The following AAAS variants were observed in gnomAD, a reference collection of about 807,000 sequenced individuals.
AAAS encodes aladin WD repeat nucleoporin.
A neutral mutation model predicts 75.6 loss-of-function variants in AAAS; 60 were observed. That is an observed-to-expected ratio of 0.79 (90% CI 0.64 to 0.98). AAAS has a LOEUF of 0.98. Ranked by LOEUF, AAAS falls within the 50% of genes least tolerant of loss-of-function variation. The pLI is 0.00. For missense variants in AAAS, 658 were observed against 686.9 expected (o/e 0.96, Z 0.47); for synonymous variants, 271 against 265.0 (o/e 1.02, Z -0.22).
intron 7 of AAAS, 99 bp from the exon 8 acceptor site, chr12:53,309,820 G>A (rs1023268336): frequency 1.6e-4 from 243 of 1,524,118 alleles, no homozygotes; most frequent in Non-Finnish European, 2.1e-4. Context: ...TATCCTGATG[G>A]CCCACTCTGG....
chr12:53,312,214 T>A (rs1944400116), intron 7 of AAAS, among the ~76,000 whole-genome samples: 1 of 147,524 alleles, frequency 6.8e-6, no homozygotes, highest in South Asian at 2.1e-4. Flanking sequence ...TGGAACTCCA[T>A]CTCAAAAAAA....
chr12:53,321,607 A>C lies in AAAS; in HGVS notation c.-142T>G, dbSNP rs1318059625. 1 of 1,416,110 alleles carries C rather than the reference A, an allele frequency of 7.1e-7. No homozygotes were observed. Among genetic ancestry groups the C allele is most frequent in the Non-Finnish European group, 9.8e-7 (1 of 1,018,358 alleles). 87.7% of individuals were successfully genotyped at this position (1,416,110 alleles called of 1,614,324 possible). A position where few individuals can be genotyped will look rare whatever the true frequency, so the allele number is the denominator to read the frequency against. On this transcript the variant is annotated 5_prime_UTR_variant, in exon 1 of 16. Transcript: ENST00000209873. ...CAAACGGCGAGGCGGAACTCAACGG[A>C]AGTGAAGAAAAGACTAACGGGAAAG...
intron 6 of AAAS, 36 bp downstream of exon 6, chr12:53,314,714 TG>T: frequency 6.3e-7 from 1 of 1,594,166 alleles, no homozygotes. Context: ...AAGGTGATAT[TG>T]ACAAGTCAGA....
chr12:53,315,588 G>T, intron 3 of AAAS, 139 bp downstream of exon 3: 1 of 1,256,840 alleles, frequency 8.0e-7, no homozygotes, highest in Middle Eastern at 2.3e-4. Flanking sequence ...ACCCACTCTG[G>T]GTTATTTGGG....
Position 53,312,850 on chromosome 12 carries a change from A to G in AAAS, c.689+1448T>C, listed in dbSNP as rs189632832. ...AAAACATATATGTGTGTGTGTGTGT[A>G]TATATATATATATTTTTTTTTTTTG... On this transcript the variant is annotated intron_variant, in intron 7 of 15. Coordinates refer to ENST00000209873, the MANE Select transcript of AAAS (RefSeq NM_015665.6). Among the ~76,000 whole-genome samples the G allele has an allele frequency of 4.1e-3, 345 of 84,264 alleles. 1 individual carries two copies. The highest frequency in any genetic ancestry group is 0.011 in the African/African-American group (212 of 19,424). The allele number at this position is 84,264 out of a possible 152,430, so 55.3% of individuals were successfully genotyped here.
intron 7 of AAAS, among the ~76,000 whole-genome samples, chr12:53,311,895 C>T (rs1034979427): frequency 2.0e-5 from 3 of 151,786 alleles, no homozygotes; most frequent in Admixed American, 2.0e-4. Flanking sequence ...CCAGCCTGGG[C>T]GACAGAGTGA....
Position 53,321,421 on chromosome 12 carries a change from T to C in AAAS, c.45A>G (p.Gln15=), listed in dbSNP as rs528541480. The change falls in exon 1 of 16, where the codon CAA becomes CAG. Residue 15 remains glutamine (Q), a synonymous_variant. Transcript: ENST00000209873. ...GLFPPPPPRG[Q]VTLYEHNNEL... ...CGTTATTGTGCTCATATAGGGTGAC[T>C]TGACCCCGAGGCGGTGGAGGAGGGA... 1.2e-6 allele frequency: 2 copies of C among 1,614,130 alleles called. No homozygotes were observed. The highest frequency in any genetic ancestry group is 1.3e-5 in the African/African-American group (1 of 74,956).
At chr12:53,316,643 C>T (rs1260038253) in intron 2 of AAAS, among the ~76,000 whole-genome samples, 8 of 151,168 alleles carry the variant, frequency 5.3e-5, no homozygotes, top group African/African-American at 1.7e-4. Context: ...TGCCTATAAT[C>T]CCAGCTACTC....
Position 53,307,926 on chromosome 12 carries a change from G to A in AAAS, c.1335C>T (p.Gly445=). 1.9e-6 allele frequency: 3 copies of A among 1,614,194 alleles called. No individual in the cohort carries two copies. The highest frequency in any genetic ancestry group is 1.7e-6 in the Non-Finnish European group (2 of 1,180,022). The part of the protein sequence containing the change: ...NSPVFELLPC[G]IIQGEPGAQP... ...GGGCTCCTGGCTCCCCCTGGATAAT[G>A]CCACTAGAAGAAAAGGTGAGCAGGC... The change falls in exon 15 of 16, where the codon GGC becomes GGT. Residue 445 remains glycine, a synonymous_variant. Transcript: ENST00000209873.
intron 7 of AAAS, among the ~76,000 whole-genome samples, chr12:53,311,936 A>C (rs773692492): frequency 2.6e-5 from 4 of 151,828 alleles, no homozygotes; most frequent in Middle Eastern, 6.9e-3. Flanking sequence ...AAAATCTGTG[A>C]TCACGTGTTT....
intron 7 of AAAS, among the ~76,000 whole-genome samples, chr12:53,313,638 T>C (rs1251671970): frequency 4.6e-5 from 7 of 150,674 alleles, no homozygotes; most frequent in African/African-American, 1.7e-4. Context: ...AGACAGAGTC[T>C]CGCTCTGTTG....
At chr12:53,318,249 T>TGTGTGCGC (rs1555191462) in intron 2 of AAAS, among the ~76,000 whole-genome samples, 2 of 140,758 alleles carry the variant, frequency 1.4e-5, no homozygotes, top group African/African-American at 5.8e-5. Flanking sequence ...TGTGTGCGTG[T>TGTGTGCGC]GTGTGTGTGT....
chr12:53,308,081 T>A lies in AAAS; in HGVS notation c.1302A>T (p.Arg434=). 6.2e-7 allele frequency: 1 copy of A among 1,614,158 alleles called. No individual in the cohort carries two copies. The highest frequency in any genetic ancestry group is 1.1e-5 in the South Asian group (1 of 91,082). The change falls in exon 14 of 16, where the codon CGA becomes CGT. Residue 434 remains arginine (R), a synonymous_variant. Coordinates refer to ENST00000209873, the MANE Select transcript of AAAS (RefSeq NM_015665.6). ...GKPVILLFRT[R]NSPVFELLPC... is the part of the protein sequence containing the mutation. ...GAAGGAGCTCAAACACAGGGCTGTT[T>A]CGAGTGCGAAAAAGGAGGATGACTG...
intron 2 of AAAS, 22 bp downstream of exon 2, chr12:53,320,543 G>A (rs755562400): frequency 1.5e-5 from 24 of 1,613,166 alleles, no homozygotes; most frequent in South Asian, 1.4e-4. Context: ...TGTGACCCAG[G>A]AAACCCTTTG....
In AAAS at chr12:53,314,801, C is replaced by T. The variant is rs1944438791; in HGVS notation, c.495G>A (p.Lys165=). Residue 165 remains lysine, a synonymous_variant, in exon 6 of 16, where the codon AAG becomes AAA. Transcript: ENST00000209873. The part of the protein sequence containing the change: ...RVFAWHPHTN[K]FAVALLDDSV... ...AGTCATCTAGCAGGGCCACTGCAAA[C>T]TTGTTGGTGTGGGGGTGCCATGCAA... 6.2e-7 allele frequency: 1 copy of T among 1,613,952 alleles called. No homozygotes were observed. Among genetic ancestry groups the T allele is most frequent in the African/African-American group, 1.3e-5 (1 of 75,014 alleles).
intron 6 of AAAS, 130 bp downstream of exon 6, chr12:53,314,621 C>T (rs1450551104): frequency 7.6e-7 from 1 of 1,314,312 alleles, no homozygotes; most frequent in Non-Finnish European, 1.1e-6. Flanking sequence ...AGTTATGGAG[C>T]TTCCCTGACC....
Position 53,320,647 on chromosome 12 carries a change from T to G in AAAS, c.169A>C (p.Thr57Pro). ...GTGCCATGGTCCAGCCTTCCAGGGGTCTTTAGGGGATCCTTTGTCAGTTGT... is the reference window on the plus strand; with the variant it reads ...GTGCCATGGTCCAGCCTTCCAGGGGGCTTTAGGGGATCCTTTGTCAGTTGT... Reference protein sequence around the residue: ...VLQLTKDPLKTPGRLDHGTRT... With the variant: ...VLQLTKDPLKPPGRLDHGTRT... Residue 57 changes from threonine (T) to proline (P), a missense_variant, in exon 2 of 16, where the codon ACC becomes CCC. Coordinates refer to ENST00000209873, the MANE Select transcript of AAAS (RefSeq NM_015665.6). 2 of 1,614,058 alleles carry G rather than the reference T, an allele frequency of 1.2e-6. No homozygotes were observed. Among genetic ancestry groups the G allele is most frequent in the Non-Finnish European group, 1.7e-6 (2 of 1,179,994 alleles).
intron 2 of AAAS, among the ~76,000 whole-genome samples, chr12:53,316,764 C>CAAAAAAAAAAAAA (rs34520642): frequency 2.3e-4 from 18 of 77,184 alleles, no homozygotes; most frequent in Admixed American, 3.3e-4. Flanking sequence ...CCATCTCAGA[C>CAAAAAAAAAAAAA]AAAAAAAAAA....
At position 53,320,591 on chromosome 12, in the gene AAAS, T is replaced by C; in HGVS notation, c.225A>G (p.Gln75=). 1 of 1,614,000 alleles carries C rather than the reference T, an allele frequency of 6.2e-7. No homozygotes were observed. Among genetic ancestry groups the C allele is most frequent in the Non-Finnish European group, 8.5e-7 (1 of 1,179,944 alleles). Reference sequence around the variant, plus strand: ...AAATGTTGATGCATCTCTTCCACACTTGCTCCCGGTGATGGATGAAGGCAG... The same window carrying C: ...AAATGTTGATGCATCTCTTCCACACCTGCTCCCGGTGATGGATGAAGGCAG... ...TRTAFIHHRE[Q]VWKRCINIWR... is the part of the protein sequence containing the mutation. Residue 75 remains glutamine (Q), a synonymous_variant, in exon 2 of 16, where the codon CAA becomes CAG. Transcript: ENST00000209873.
Sources: gnomAD v4.1 joint callset for allele counts (sites outside exome capture counted in the v4.1 genomes callset) on GRCh38, gnomAD v4.1.1 for gene constraint, MANE v1.5 for transcripts, NCBI Gene and HGNC (gene_info 2026-07-23, HGNC 2026-07-21) for gene names.